The following COL6A2 variants were observed in gnomAD, a reference collection of about 807,000 sequenced individuals.
COL6A2 encodes collagen type VI alpha 2 chain.
In COL6A2, 90 loss-of-function variants were observed where a neutral mutation model predicts 124.9. That is an observed-to-expected ratio of 0.72 (90% CI 0.61 to 0.86). COL6A2 has a LOEUF of 0.86. Ranked by LOEUF, COL6A2 falls within the 40% of genes least tolerant of loss-of-function variation. COL6A2 has a pLI of 0.00. For missense variants in COL6A2, 1,607 were observed against 1,502.5 expected, an observed-to-expected ratio of 1.07 and a Z score of -1.15; for synonymous variants, 793 against 618.2, an observed-to-expected ratio of 1.28 and a Z score of -4.19.
At chr21:46,115,960 A>G in intron 6 of COL6A2, 35 bp downstream of exon 6, 5 of 1,611,914 alleles carry the variant, frequency 3.1e-6, no homozygotes, top group Non-Finnish European at 4.2e-6. Flanking sequence ...CCCCGCCTGC[A>G]GCCCAGCGCC....
intron 14 of COL6A2, 137 bp from the exon 15 acceptor site, chr21:46,119,650 TG>T: frequency 1.4e-6 from 1 of 729,786 alleles, no homozygotes; most frequent in Non-Finnish European, 2.3e-6. Context: ...GGAAGGAGCC[TG>T]GGGATCGAGG....
At chr21:46,122,969 C>T (rs748351422) in intron 21 of COL6A2, 32 bp downstream of exon 21, 2 of 1,603,764 alleles carry the variant, frequency 1.2e-6, no homozygotes, top group South Asian at 2.2e-5. Flanking sequence ...CCCACAGCAG[C>T]TGGGCAGAGG....
At chr21:46,121,262 G>C (rs958374474) in intron 17 of COL6A2, 139 bp downstream of exon 17, 16 of 865,350 alleles carry the variant, frequency 1.8e-5, no homozygotes, top group Middle Eastern at 3.1e-4. Context: ...GCCAGGACCT[G>C]CTCCCCTAGA....
chr21:46,123,001 A>G lies in COL6A2; in HGVS notation c.1671+64A>G, dbSNP rs941622071. The G allele has an allele frequency of 3.4e-6, 5 of 1,475,780 alleles. No homozygotes were observed. In the Admixed American group the frequency reaches 8.4e-5, roughly 25 times the overall value. The allele number at this position is 1,475,780 out of a possible 1,614,324, so 91.4% of individuals were successfully genotyped here. On this transcript the variant is annotated intron_variant, in intron 21 of 27. Coordinates refer to ENST00000300527, the MANE Select transcript of COL6A2 (RefSeq NM_001849.4). ...GAGGCAGGGAGGGGCCCTGAGGCTG[A>G]GCGTGTGCATCTATGAGTACAGGAG...
rs774587547 is a variant in COL6A2 at position 46,122,886 on chromosome 21, C to T, written c.1620C>T (p.Gly540=). The change falls in exon 21 of 28, where the codon GGC becomes GGT. Residue 540 remains glycine (G), a synonymous_variant. Coordinates refer to ENST00000300527, the MANE Select transcript of COL6A2 (RefSeq NM_001849.4). ...GTTCCCTGTCACAGGGAGGCCGAGG[C>T]GACTTTGGCTTGAAAGGAGAACCTG... ...PGPRGPEGGR[G]DFGLKGEPGR... 11 of 1,613,194 alleles carry T rather than the reference C, an allele frequency of 6.8e-6. No individual in the cohort carries two copies. The highest frequency in any genetic ancestry group is 4.0e-5 in the African/African-American group (3 of 74,922).
chr21:46,099,562 C>T (rs1384117576), intron 1 of COL6A2, among the ~76,000 whole-genome samples: 2 of 151,910 alleles, frequency 1.3e-5, no homozygotes, highest in Non-Finnish European at 2.9e-5. Flanking sequence ...GCCTATTTCA[C>T]GTTTATGCAA....
At position 46,132,163 on chromosome 21, in the gene COL6A2, G is replaced by A. The variant is rs754110764; in HGVS notation, c.2671G>A (p.Ala891Thr). 102 of 1,569,492 alleles carry A rather than the reference G, an allele frequency of 6.5e-5. No homozygotes were observed. The highest frequency in any genetic ancestry group is 5.8e-5 in the South Asian group (5 of 86,476). Residue 891 changes from alanine (A) to threonine (T), a missense_variant, in exon 28 of 28, where the codon GCC becomes ACC. This residue lies in a region of COL6A2 where 1,223 missense variants were observed against 1,052.2 expected (regional missense o/e 1.16). Coordinates refer to ENST00000300527, the MANE Select transcript of COL6A2 (RefSeq NM_001849.4). Reference sequence around the variant, plus strand: ...TGGTGGCCCCGGCGAGCAGCAGGTGGCCTTCCCGCTGAGCCACAACCTCAC... The same window carrying A: ...TGGTGGCCCCGGCGAGCAGCAGGTGACCTTCCCGCTGAGCCACAACCTCAC... Reference protein sequence around the residue: ...QFGGPGEQQVAFPLSHNLTAI... With the variant: ...QFGGPGEQQVTFPLSHNLTAI...
chr21:46,113,393 T>A (rs1397722732), intron 4 of COL6A2, among the ~76,000 whole-genome samples: 1 of 151,974 alleles, frequency 6.6e-6, no homozygotes, highest in Non-Finnish European at 1.5e-5. Context: ...TTTGTTTTTT[T>A]AGAGACAGGG....
chr21:46,129,902 G>C (rs2078738565), intron 27 of COL6A2: 2 of 973,338 alleles, frequency 2.1e-6, no homozygotes, highest in African/African-American at 1.7e-5. Context: ...CGGCCCAGCT[G>C]GGCTGCCGTG....
chr21:46,100,421 A>G (rs1470255158), intron 1 of COL6A2, among the ~76,000 whole-genome samples: 9 of 152,162 alleles, frequency 5.9e-5, no homozygotes, highest in Non-Finnish European at 1.0e-4. Context: ...TATAAAATGT[A>G]CTGTCTTAAC....
chr21:46,104,280 T>C (rs1325768925), intron 1 of COL6A2, among the ~76,000 whole-genome samples: 1 of 151,868 alleles, frequency 6.6e-6, no homozygotes, highest in Non-Finnish European at 1.5e-5. Context: ...AGGGAAAATG[T>C]GGAGAAAGTG....
rs1183810917 is a variant in COL6A2, at chr21:46,121,636, A to C, written c.1521+18A>C. 1.2e-6 allele frequency: 2 copies of C among 1,612,200 alleles called. No individual in the cohort carries two copies. The highest frequency in any genetic ancestry group is 1.7e-5 in the Admixed American group (1 of 60,006). ...GCCCCAAGGTACGTGCCCCTCCCCC[A>C]GCAGGACGTATTAGGGGTTCGGGGC... On this transcript the variant is annotated intron_variant, in intron 18 of 27. Coordinates refer to ENST00000300527, the MANE Select transcript of COL6A2 (RefSeq NM_001849.4).
rs2078493552 is a variant in COL6A2, at chr21:46,117,652, C to T, written c.1053+199C>T. The T allele has an allele frequency of 1.6e-5, 12 of 741,894 alleles. No homozygotes were observed. In the South Asian group the frequency reaches 1.9e-4, roughly 12 times the overall value. 46.0% of individuals were successfully genotyped at this position (741,894 alleles called of 1,614,324 possible). A position where few individuals can be genotyped will look rare whatever the true frequency, so the allele number is the denominator to read the frequency against. On this transcript the variant is annotated intron_variant, in intron 11 of 27. Coordinates refer to ENST00000300527, the MANE Select transcript of COL6A2 (RefSeq NM_001849.4). ...CCCCCTGGGAGCTCCTGGCGGATCC[C>T]CGTGGCCTGGAGACCTGATGCATCC... is the stretch of plus-strand genomic sequence containing the variant.
intron 21 of COL6A2, among the ~76,000 whole-genome samples, chr21:46,124,145 G>A (rs765572751): frequency 1.7e-4 from 26 of 150,976 alleles, no homozygotes; most frequent in Non-Finnish European, 3.7e-4. Context: ...ATGGGTAAGT[G>A]AGTGGATAGA....
intron 12 of COL6A2, 93 bp from the exon 13 acceptor site, chr21:46,118,521 A>C (rs1401225647): frequency 1.0e-5 from 13 of 1,263,402 alleles, no homozygotes; most frequent in Non-Finnish European, 1.5e-5. Flanking sequence ...GTGCAGTCCC[A>C]AGCCCGACCG....
rs778385119 is a variant in COL6A2, at chr21:46,125,262, G to A, written c.1771-4G>A. On this transcript the variant is annotated splice_region_variant and splice_polypyrimidine_tract_variant and intron_variant, in intron 23 of 27. Coordinates refer to ENST00000300527, the MANE Select transcript of COL6A2 (RefSeq NM_001849.4). ...GACTACCCTGCCTGCCGTGTGCATT[G>A]CAGGAGTGTGACGTCATGACCTACG... is the stretch of plus-strand genomic sequence containing the variant. 2.5e-6 allele frequency: 4 copies of A among 1,612,168 alleles called. No homozygotes were observed. The highest frequency in any genetic ancestry group is 3.4e-6 in the Non-Finnish European group (4 of 1,179,560).
rs961806475 is a variant in COL6A2 at position 46,128,286 on chromosome 21, C to T, written c.2461+1745C>T. On this transcript the variant is annotated intron_variant, in intron 27 of 27. Coordinates refer to ENST00000300527, the MANE Select transcript of COL6A2 (RefSeq NM_001849.4). ...GGAGCAGCCCTGGCAGAACCCCTCC[C>T]CTCCTCTCGGCCGCCCTGACACCTC... 4.6e-5 allele frequency among the ~76,000 whole-genome samples: 7 copies of T among 152,352 alleles called. No individual in the cohort carries two copies. In the East Asian group the frequency reaches 9.6e-4, roughly 21 times the overall value.
intron 10 of COL6A2, among the ~76,000 whole-genome samples, 194 bp from the exon 11 acceptor site, chr21:46,117,206 G>A (rs1444403410): frequency 6.6e-6 from 1 of 152,240 alleles, no homozygotes; most frequent in Non-Finnish European, 1.5e-5. Flanking sequence ...GGGATGGCCT[G>A]TTCCTGCACA....
Position 46,126,245 on chromosome 21 carries a change from T to C in COL6A2, c.2422+8T>C, listed in dbSNP as rs1220569382. 3.8e-6 allele frequency: 6 copies of C among 1,597,922 alleles called. No homozygotes were observed. The East Asian group carries it at 6.7e-5, about 18-fold the overall frequency. ...AGGACGTCCTCTGCCCGGGTGAGCG[T>C]GTGGGCGCGGGGCAGTCGGCCGAGG... is the stretch of plus-strand genomic sequence containing the variant. On this transcript the variant is annotated splice_region_variant and intron_variant, in intron 26 of 27. Coordinates refer to ENST00000300527, the MANE Select transcript of COL6A2 (RefSeq NM_001849.4).
Sources: allele counts gnomAD v4.1 joint callset (sites outside exome capture counted in the v4.1 genomes callset), GRCh38; gene constraint gnomAD v4.1.1; regional missense constraint gnomAD v4.1.1; transcripts MANE v1.5; gene names NCBI Gene and HGNC (gene_info 2026-07-23, HGNC 2026-07-21).